C7orf33: variants seen among roughly 807,000 people sequenced by gnomAD.
C7orf33 encodes the protein chromosome 7 open reading frame 33.
In C7orf33, 15 loss-of-function variants were observed where a neutral mutation model predicts 13.4. The ratio of observed to expected loss-of-function variants is 1.12; its 90% CI spans 0.75 to 1.72. C7orf33 has a LOEUF of 1.72. Ranked by LOEUF, C7orf33 falls within the 40% of genes most tolerant of loss-of-function variation. C7orf33 has a pLI of 0.00. For synonymous variants in C7orf33, 73 were observed against 83.2 expected (o/e 0.88, Z 0.67); for missense variants, 187 against 220.3 (o/e 0.85, Z 0.96).
intron 1 of C7orf33, among the ~76,000 whole-genome samples, chr7:148,596,301 G>A (rs1796338059): frequency 1.3e-5 from 2 of 152,112 alleles, no homozygotes; most frequent in Admixed American, 6.5e-5. Context: ...CAACATTGAT[G>A]TATTATCACC....
rs555078441 is a variant in C7orf33, at chr7:148,592,575, C to T, written c.204+1446C>T. 4.0e-5 allele frequency among the ~76,000 whole-genome samples: 6 copies of T among 149,228 alleles called. No individual in the cohort carries two copies. The South Asian group carries it at 1.1e-3, about 26-fold the overall frequency. On this transcript the variant is annotated intron_variant, in intron 1 of 2. Transcript: ENST00000307003. ...TGTCGCCCAGGCTGGAGTACAGTGG[C>T]GTGATCTTGGCTCACTACAACCTCT... is the stretch of plus-strand genomic sequence containing the variant.
chr7:148,608,254 C>A (rs955093786), intron 1 of C7orf33, among the ~76,000 whole-genome samples: 1 of 151,966 alleles, frequency 6.6e-6, no homozygotes, highest in African/African-American at 2.4e-5. Flanking sequence ...ATGGTGAAAC[C>A]CCGTCTCCAC....
chr7:148,608,167 G>A (rs994024141), intron 1 of C7orf33, among the ~76,000 whole-genome samples: 10 of 152,174 alleles, frequency 6.6e-5, no homozygotes, highest in Non-Finnish European at 1.3e-4. Flanking sequence ...TGTGGCTTAC[G>A]CCTGTATTCC....
intron 1 of C7orf33, among the ~76,000 whole-genome samples, chr7:148,597,825 A>G (rs558337686): frequency 4.8e-4 from 73 of 152,144 alleles, no homozygotes; most frequent in Middle Eastern, 3.4e-3. Flanking sequence ...GCGTGATCTC[A>G]GCTTACTGCA....
intron 1 of C7orf33, among the ~76,000 whole-genome samples, chr7:148,599,334 C>T (rs1356325159): frequency 6.6e-6 from 1 of 152,014 alleles, no homozygotes; most frequent in Admixed American, 6.6e-5. Context: ...CAAATGAAAC[C>T]CCTGAACAAT....
chr7:148,595,567 A>AAT (rs1323231635), intron 1 of C7orf33, among the ~76,000 whole-genome samples: 2 of 131,326 alleles, frequency 1.5e-5, no homozygotes, highest in Non-Finnish European at 3.1e-5. Context: ...ATAGCTATAT[A>AAT]ATATATATAA....
At chr7:148,611,199 G>A (rs1796533086) in intron 1 of C7orf33, among the ~76,000 whole-genome samples, 2 of 152,170 alleles carry the variant, frequency 1.3e-5, no homozygotes, top group Non-Finnish European at 2.9e-5. Flanking sequence ...GTAGAGAAGG[G>A]CCAGGTCCCT....
chr7:148,597,182 A>G (rs1796349677), intron 1 of C7orf33, among the ~76,000 whole-genome samples: 1 of 151,508 alleles, frequency 6.6e-6, no homozygotes. Context: ...ACATATATAT[A>G]TATACACATA....
At chr7:148,595,284 A>G (rs7779207) in intron 1 of C7orf33, among the ~76,000 whole-genome samples, 2,059 of 142,420 alleles carry the variant, frequency 0.014, 44 homozygotes, top group African/African-American at 0.05. Context: ...TATATTATAT[A>G]GATATATATT....
chr7:148,615,256 T>G (rs887154348), intron 2 of C7orf33, 71 bp from the exon 3 acceptor site: 17 of 1,036,612 alleles, frequency 1.6e-5, no homozygotes, highest in Non-Finnish European at 2.6e-5. Context: ...TGTTTTAAAC[T>G]GTGCTATTGA....
At chr7:148,594,110 C>A (rs1032273851) in intron 1 of C7orf33, among the ~76,000 whole-genome samples, 8 of 152,008 alleles carry the variant, frequency 5.3e-5, no homozygotes, top group African/African-American at 1.9e-4. Flanking sequence ...TCCCCAGAAG[C>A]CGAGCAGACG....
chr7:148,601,509 C>G (rs2116894398), intron 1 of C7orf33, among the ~76,000 whole-genome samples: 1 of 151,872 alleles, frequency 6.6e-6, no homozygotes, highest in South Asian at 2.1e-4. Flanking sequence ...CCACACCTGT[C>G]TAAATTTTTG....
At chr7:148,614,700 G>A (rs1269741559) in intron 2 of C7orf33, among the ~76,000 whole-genome samples, 1 of 152,130 alleles carries the variant, frequency 6.6e-6, no homozygotes, top group Non-Finnish European at 1.5e-5. Flanking sequence ...TCGGTCCTAC[G>A]TGAGCCCGTA....
At chr7:148,591,445 G>C (rs1232144072) in intron 1 of C7orf33, among the ~76,000 whole-genome samples, 1 of 152,182 alleles carries the variant, frequency 6.6e-6, no homozygotes, top group Non-Finnish European at 1.5e-5. Flanking sequence ...GAATGCGCTT[G>C]TTCTCAGACT....
chr7:148,606,929 A>ACACACACAC (rs1796478671), intron 1 of C7orf33, among the ~76,000 whole-genome samples: 1 of 26,160 alleles, frequency 3.8e-5, no homozygotes, highest in African/African-American at 6.3e-5. Context: ...ATTTAAAAAA[A>ACACACACAC]AAATACACAC....
At chr7:148,605,516 G>A (rs958283972) in intron 1 of C7orf33, among the ~76,000 whole-genome samples, 10 of 152,192 alleles carry the variant, frequency 6.6e-5, no homozygotes, top group African/African-American at 2.4e-4. Context: ...GCTCCTGTGA[G>A]TATCATCCTA....
chr7:148,598,719 T>G (rs1796371753), intron 1 of C7orf33, among the ~76,000 whole-genome samples: 1 of 85,880 alleles, frequency 1.2e-5, no homozygotes, highest in Non-Finnish European at 2.3e-5. Flanking sequence ...AAAAATTTCA[T>G]TCCTGGATAT....
At chr7:148,604,435 A>G (rs188376117) in intron 1 of C7orf33, among the ~76,000 whole-genome samples, 1 of 152,318 alleles carries the variant, frequency 6.6e-6, no homozygotes. Context: ...CCTAGGGATC[A>G]TTATTCTAAG....
intron 2 of C7orf33, 36 bp from the exon 3 acceptor site, chr7:148,615,291 C>T: frequency 7.1e-7 from 1 of 1,410,812 alleles, no homozygotes; most frequent in Non-Finnish European, 1.0e-6. Context: ...GGTAAATCAT[C>T]CTGAGATAAC....
Sources: gnomAD v4.1 joint callset for allele counts (sites outside exome capture counted in the v4.1 genomes callset) on GRCh38, gnomAD v4.1.1 for gene constraint, MANE v1.5 for transcripts, NCBI Gene and HGNC (gene_info 2026-07-23, HGNC 2026-07-21) for gene names.